SYNE1: variants seen among roughly 807,000 people sequenced by gnomAD.
SYNE1 encodes spectrin repeat containing nuclear envelope protein 1, also known as nesprin-1.
Under a neutral mutation model 1,111.0 loss-of-function variants are expected in SYNE1, and 616 were observed. The ratio of observed to expected loss-of-function variants is 0.55; its 90% CI spans 0.52 to 0.59. The LOEUF is 0.59. SYNE1 is among the 20% of genes least tolerant of loss of function. The pLI, the probability that SYNE1 is intolerant of heterozygous loss-of-function variation, is 0.00. For synonymous variants in SYNE1, 3,855 were observed against 3,825.8 expected, an observed-to-expected ratio of 1.01 and a Z score of -0.28; for missense variants, 10,006 against 10,417.0, an observed-to-expected ratio of 0.96 and a Z score of 1.72.
intron 5 of SYNE1, among the ~76,000 whole-genome samples, chr6:152,525,814 T>A (rs2099161058): frequency 6.6e-6 from 1 of 152,208 alleles, no homozygotes; most frequent in African/African-American, 2.4e-5. Flanking sequence ...CATGTTAAGT[T>A]ACTGATGAAG....
At chr6:152,171,139 C>G (rs149765672) in intron 130 of SYNE1, among the ~76,000 whole-genome samples, 165 of 152,292 alleles carry the variant, frequency 1.1e-3, no homozygotes, top group African/African-American at 3.9e-3. Flanking sequence ...TTATCAGCAG[C>G]ATGAAAATGG....
intron 4 of SYNE1, among the ~76,000 whole-genome samples, chr6:152,536,135 C>T (rs1271484408): frequency 6.6e-6 from 1 of 151,486 alleles, no homozygotes; most frequent in African/African-American, 2.4e-5. Context: ...CCCTCCACCT[C>T]TGCTCTTGAT....
intron 97 of SYNE1, among the ~76,000 whole-genome samples, chr6:152,281,373 C>T (rs2094018618): frequency 6.6e-6 from 1 of 152,180 alleles, no homozygotes; most frequent in Non-Finnish European, 1.5e-5. Flanking sequence ...TCCCTGTTTG[C>T]CTAAAACTGA....
chr6:152,635,859 T>C (rs888405108), intron 2 of SYNE1, among the ~76,000 whole-genome samples: 1 of 152,196 alleles, frequency 6.6e-6, no homozygotes, highest in African/African-American at 2.4e-5. Context: ...CCTGACTCTA[T>C]TTACGGAAGG....
At chr6:152,498,110 T>G (rs772992211) in intron 11 of SYNE1, among the ~76,000 whole-genome samples, 21 of 152,228 alleles carry the variant, frequency 1.4e-4, no homozygotes, top group Non-Finnish European at 2.6e-4. Context: ...CCAATGTTGA[T>G]ATAAATACAA....
intron 38 of SYNE1, among the ~76,000 whole-genome samples, chr6:152,426,240 G>C (rs2098352750): frequency 6.6e-6 from 1 of 152,252 alleles, no homozygotes; most frequent in Non-Finnish European, 1.5e-5. Flanking sequence ...TGGCACAGCA[G>C]ATAGTAGATA....
chr6:152,598,227 A>G (rs771332137), intron 3 of SYNE1, among the ~76,000 whole-genome samples: 4 of 152,066 alleles, frequency 2.6e-5, no homozygotes, highest in Admixed American at 2.0e-4. Flanking sequence ...CGCTATTCTC[A>G]TGATAGTGAA....
chr6:152,421,163 G>A (rs936028992), intron 39 of SYNE1, among the ~76,000 whole-genome samples: 2 of 152,100 alleles, frequency 1.3e-5, no homozygotes, highest in African/African-American at 4.8e-5. Context: ...CCTGACCTGT[G>A]GTAAGTAAAG....
chr6:152,558,011 AATGGG>A (rs1331654677), intron 3 of SYNE1, among the ~76,000 whole-genome samples: 3 of 152,212 alleles, frequency 2.0e-5, no homozygotes, highest in Admixed American at 6.5e-5. Flanking sequence ...ACAATTTGTT[AATGGG>A]TACACAATAT....
intron 87 of SYNE1, 111 bp downstream of exon 87, chr6:152,316,738 C>T: frequency 7.8e-7 from 1 of 1,278,308 alleles, no homozygotes; most frequent in Non-Finnish European, 1.1e-6. Flanking sequence ...TTCTTTTTAT[C>T]TGGTAGCTCC....
chr6:152,447,467 C>T lies in SYNE1; in HGVS notation c.3660G>A (p.Leu1220=), dbSNP rs2098602756. Residue 1220 remains leucine (L), a synonymous_variant, in exon 29 of 146, where the codon CTG becomes CTA. Coordinates refer to ENST00000367255, the MANE Select transcript of SYNE1 (RefSeq NM_182961.4). The part of the protein sequence containing the change: ...LSSSFKALVT[L]LSEVEKMLSN... ...TGAGTAAATGCTGTACCTCTGACAG[C>T]AGCGTCACAAGAGCCTTGAAAGAGC... 1 of 1,614,146 alleles carries T rather than the reference C, an allele frequency of 6.2e-7. No homozygotes were observed. The highest frequency in any genetic ancestry group is 8.5e-7 in the Non-Finnish European group (1 of 1,180,012).
Position 152,596,159 on chromosome 6 carries a change from T to C in SYNE1, c.67+32106A>G, listed in dbSNP as rs75860585. Among the ~76,000 whole-genome samples the C allele has an allele frequency of 5.8e-4, 82 of 141,902 alleles. 1 individual carries two copies. The East Asian group carries it at 0.016, about 28-fold the overall frequency. The allele number at this position is 141,902 out of a possible 152,430, so 93.1% of individuals were successfully genotyped here. ...TGTGATCTGTGTCCCTGGGTGGAAC[T>C]TAGAGAAGAACAATTGTCAGTATTT... On this transcript the variant is annotated intron_variant, in intron 3 of 145. Coordinates refer to ENST00000367255, the MANE Select transcript of SYNE1 (RefSeq NM_182961.4).
intron 3 of SYNE1, among the ~76,000 whole-genome samples, chr6:152,575,909 A>G (rs1022704763): frequency 2.6e-5 from 4 of 152,260 alleles, no homozygotes; most frequent in African/African-American, 7.2e-5. Context: ...CTTTTAAAAT[A>G]TTCAGTGTAA....
chr6:152,290,496 C>A (rs2094550779), intron 95 of SYNE1, among the ~76,000 whole-genome samples: 1 of 152,108 alleles, frequency 6.6e-6, no homozygotes, highest in Admixed American at 6.6e-5. Context: ...GGTGAGGTTG[C>A]AGTGAGCCAA....
chr6:152,540,781 A>G (rs981581558), intron 3 of SYNE1, among the ~76,000 whole-genome samples: 11 of 152,226 alleles, frequency 7.2e-5, no homozygotes, highest in Admixed American at 3.3e-4. Context: ...GGTCAATGGC[A>G]AGGAACTAGA....
intron 5 of SYNE1, among the ~76,000 whole-genome samples, chr6:152,523,684 G>A (rs555706650): frequency 1.3e-5 from 2 of 152,160 alleles, no homozygotes; most frequent in South Asian, 2.1e-4. Context: ...CAATCTATGA[G>A]TATGAGATGT....
At chr6:152,598,444 T>C (rs377640613) in intron 3 of SYNE1, among the ~76,000 whole-genome samples, 17 of 152,226 alleles carry the variant, frequency 1.1e-4, no homozygotes, top group Admixed American at 5.9e-4. Context: ...GTGTGAAAAC[T>C]GACTAATACA....
Position 152,174,050 on chromosome 6 carries a change from G to C in SYNE1, c.23627+2344C>G, listed in dbSNP as rs536524770. 1.4e-4 allele frequency among the ~76,000 whole-genome samples: 22 copies of C among 152,304 alleles called. 1 individual carries two copies. In the East Asian group the frequency reaches 4.0e-3, roughly 28 times the overall value. On this transcript the variant is annotated intron_variant, in intron 130 of 145. Transcript: ENST00000367255. The stretch of plus-strand genomic sequence containing the variant: ...ACACTAAGTTAGCTGCTTATGACTA[G>C]ATTACATTAAATCTGATTTAAAATA...
intron 144 of SYNE1, among the ~76,000 whole-genome samples, chr6:152,131,329 TAAA>T (rs34061887): frequency 6.6e-4 from 94 of 141,854 alleles, no homozygotes; most frequent in Admixed American, 2.3e-3. Flanking sequence ...GTGAATGTAG[TAAA>T]AAAAAAAAAA....
Sources: allele counts gnomAD v4.1 joint callset (sites outside exome capture counted in the v4.1 genomes callset), GRCh38; gene constraint gnomAD v4.1.1; transcripts MANE v1.5; gene names NCBI Gene and HGNC (gene_info 2026-07-23, HGNC 2026-07-21).